LSAMP: variants seen among roughly 807,000 people sequenced by gnomAD.
LSAMP encodes the protein limbic system-associated membrane protein.
In LSAMP, 7 loss-of-function variants were observed where a neutral mutation model predicts 38.6. The observed-to-expected ratio is 0.18, with a 90% CI of 0.10 to 0.34. LSAMP has a LOEUF of 0.34. LSAMP is among the 10% of genes least tolerant of loss of function. The pLI is 1.00. For synonymous variants in LSAMP, 154 were observed against 166.8 expected, an observed-to-expected ratio of 0.92 and a Z score of 0.59; for missense variants, 313 against 420.0, an observed-to-expected ratio of 0.75 and a Z score of 2.23.
At chr3:116,229,916 T>C (rs1336899613) in intron 1 of LSAMP, among the ~76,000 whole-genome samples, 1 of 152,120 alleles carries the variant, frequency 6.6e-6, no homozygotes, top group Non-Finnish European at 1.5e-5. Flanking sequence ...AACTGAATTA[T>C]AAGGAGATGG....
At chr3:115,859,989 A>T (rs1935627440) in intron 3 of LSAMP, among the ~76,000 whole-genome samples, 1 of 152,160 alleles carries the variant, frequency 6.6e-6, no homozygotes. Flanking sequence ...TCTGAAGGGG[A>T]TTGTACTGAG....
In LSAMP at chr3:115,868,982, A is replaced by C. The variant is rs556823370; in HGVS notation, c.515-16365T>G. 2.6e-5 allele frequency among the ~76,000 whole-genome samples: 4 copies of C among 152,030 alleles called. No homozygotes were observed. In the East Asian group the frequency reaches 7.7e-4, roughly 29 times the overall value. On this transcript the variant is annotated intron_variant, in intron 3 of 6. Coordinates refer to ENST00000490035, the MANE Select transcript of LSAMP (RefSeq NM_002338.5). ...TTTTATAAATCAGGAAAAAAAACCCATATTTTATCCTAGTGACAAAGCTGT... is the reference window on the plus strand; with the variant it reads ...TTTTATAAATCAGGAAAAAAAACCCCTATTTTATCCTAGTGACAAAGCTGT...
chr3:116,418,894 T>C (rs957100662), intron 1 of LSAMP, among the ~76,000 whole-genome samples: 3 of 152,232 alleles, frequency 2.0e-5, no homozygotes, highest in Non-Finnish European at 4.4e-5. Flanking sequence ...ACATTCATAC[T>C]ATGCTTCATC....
chr3:116,437,527 G>A (rs1415889934), intron 1 of LSAMP, among the ~76,000 whole-genome samples: 1 of 152,050 alleles, frequency 6.6e-6, no homozygotes, highest in Non-Finnish European at 1.5e-5. Context: ...TCCTTGACCA[G>A]CACTAACTGG....
rs557949619 is a variant in LSAMP at position 116,316,543 on chromosome 3, C to T, written c.155+128334G>A. Reference sequence around the variant, plus strand: ...ATCCCAGAACTTTGGGAGACCGAGGCGGGTAGATCACGAGGTCAGGAGTTC... The same window carrying T: ...ATCCCAGAACTTTGGGAGACCGAGGTGGGTAGATCACGAGGTCAGGAGTTC... On this transcript the variant is annotated intron_variant, in intron 1 of 6. Transcript: ENST00000490035. Among the ~76,000 whole-genome samples the T allele has an allele frequency of 4.7e-3, 719 of 152,104 alleles. 2 individuals are homozygous for T. The highest frequency in any genetic ancestry group is 6.1e-3 in the Non-Finnish European group (417 of 67,986).
chr3:116,320,321 G>A (rs111828073), intron 1 of LSAMP, among the ~76,000 whole-genome samples: 5,082 of 152,184 alleles, frequency 0.033, 286 homozygotes, highest in African/African-American at 0.12. Flanking sequence ...CCTGAGGCAG[G>A]AGAACTGCTT....
intron 2 of LSAMP, among the ~76,000 whole-genome samples, chr3:116,037,015 A>G (rs1474541568): frequency 6.6e-6 from 1 of 152,188 alleles, no homozygotes; most frequent in African/African-American, 2.4e-5. Flanking sequence ...GAGGAGAAAG[A>G]CAATACCTCA....
chr3:116,354,013 A>C (rs1418696651), intron 1 of LSAMP, among the ~76,000 whole-genome samples: 2 of 152,158 alleles, frequency 1.3e-5, no homozygotes, highest in Non-Finnish European at 2.9e-5. Context: ...GTTTGACTGA[A>C]GACAGTATTA....
chr3:116,272,449 T>C (rs921429844), intron 1 of LSAMP, among the ~76,000 whole-genome samples: 1 of 152,150 alleles, frequency 6.6e-6, no homozygotes, highest in African/African-American at 2.4e-5. Context: ...AATCCTTTGA[T>C]AATGGCTTGA....
At chr3:116,338,685 T>A (rs1380610202) in intron 1 of LSAMP, among the ~76,000 whole-genome samples, 5 of 151,988 alleles carry the variant, frequency 3.3e-5, no homozygotes, top group Non-Finnish European at 7.4e-5. Context: ...GAGAAGGAGT[T>A]AATAGATTTT....
chr3:115,808,559 G>C lies in LSAMP; in HGVS notation c.*1758C>G, dbSNP rs1340763822. The C allele has an allele frequency of 6.6e-6, 1 of 152,110 alleles. No individual in the cohort carries two copies. The allele number at this position is 152,110 out of a possible 1,614,324, so 9.4% of individuals were successfully genotyped here. On this transcript the variant is annotated 3_prime_UTR_variant, in exon 7 of 7. Transcript: ENST00000490035. The stretch of plus-strand genomic sequence containing the variant: ...CCCAGCAATTTTGGTTAAGGACCTA[G>C]ATCACATTTCAGTGTTAATGTCAAG...
At chr3:116,262,257 G>A (rs866668547) in intron 1 of LSAMP, among the ~76,000 whole-genome samples, 2 of 152,256 alleles carry the variant, frequency 1.3e-5, no homozygotes, top group South Asian at 4.1e-4. Context: ...GCCTGTTGCT[G>A]TTATTAACTT....
At chr3:116,243,690 A>G (rs2046568571) in intron 1 of LSAMP, among the ~76,000 whole-genome samples, 1 of 152,202 alleles carries the variant, frequency 6.6e-6, no homozygotes, top group East Asian at 1.9e-4. Flanking sequence ...GGGCTAAGAA[A>G]AGGTATCTGT....
intron 1 of LSAMP, among the ~76,000 whole-genome samples, chr3:116,104,086 C>T (rs553687613): frequency 6.6e-6 from 1 of 150,744 alleles, no homozygotes; most frequent in Non-Finnish European, 1.5e-5. Flanking sequence ...TTTCTTTCCC[C>T]ATCACTGAGT....
chr3:116,109,183 C>G lies in LSAMP; in HGVS notation c.156-22627G>C, dbSNP rs188238053. 9.2e-5 allele frequency among the ~76,000 whole-genome samples: 14 copies of G among 152,276 alleles called. 2 individuals are homozygous for G. The South Asian group carries it at 2.3e-3, about 25-fold the overall frequency. On this transcript the variant is annotated intron_variant, in intron 1 of 6. Coordinates refer to ENST00000490035, the MANE Select transcript of LSAMP (RefSeq NM_002338.5). The stretch of plus-strand genomic sequence containing the variant: ...TGGGATAAACAAAAAGGAGCATTAA[C>G]CTTGACTATGCCTTTGGCTCCAGCC...
At chr3:115,839,184 C>T (rs965752485) in intron 6 of LSAMP, among the ~76,000 whole-genome samples, 1 of 152,106 alleles carries the variant, frequency 6.6e-6, no homozygotes, top group South Asian at 2.1e-4. Flanking sequence ...AGACAATTGA[C>T]CCACACGTGT....
intron 1 of LSAMP, among the ~76,000 whole-genome samples, chr3:116,416,144 T>G (rs2049047257): frequency 6.6e-6 from 1 of 152,162 alleles, no homozygotes; most frequent in African/African-American, 2.4e-5. Context: ...TCCGGGCCAT[T>G]TGCCTTCAGT....
intron 1 of LSAMP, among the ~76,000 whole-genome samples, chr3:116,359,339 C>A (rs573190417): frequency 3.1e-4 from 47 of 152,230 alleles, no homozygotes; most frequent in African/African-American, 9.9e-4. Context: ...GATGCTGAAA[C>A]TTTTCAAATG....
intron 2 of LSAMP, among the ~76,000 whole-genome samples, chr3:116,029,513 TAACTC>T (rs1194561942): frequency 6.6e-6 from 1 of 152,074 alleles, no homozygotes; most frequent in Non-Finnish European, 1.5e-5. Context: ...ATGATCCAAA[TAACTC>T]AAGGTAAGAG....
Sources: allele counts gnomAD v4.1 joint callset (sites outside exome capture counted in the v4.1 genomes callset), GRCh38; gene constraint gnomAD v4.1.1; transcripts MANE v1.5; gene names NCBI Gene and HGNC (gene_info 2026-07-23, HGNC 2026-07-21).